ARHGAP21: variants seen among roughly 807,000 people sequenced by gnomAD.
ARHGAP21 encodes the protein rho GTPase-activating protein 21.
Under a neutral mutation model 164.6 loss-of-function variants are expected in ARHGAP21, and 38 were observed. That is an observed-to-expected ratio of 0.23 (90% CI 0.18 to 0.30). The LOEUF is 0.30. Ranked by LOEUF, ARHGAP21 falls within the 10% of genes least tolerant of loss-of-function variation. ARHGAP21 has a pLI of 1.00. For synonymous variants in ARHGAP21, 766 were observed against 857.9 expected (o/e 0.89, Z 1.87); for missense variants, 1,822 against 2,370.7 (o/e 0.77, Z 4.81).
chr10:24,648,663 C>A (rs920048508), intron 4 of ARHGAP21, among the ~76,000 whole-genome samples: 19 of 151,896 alleles, frequency 1.3e-4, no homozygotes, highest in Admixed American at 3.3e-4. Flanking sequence ...GCCTATAAAC[C>A]CAGCTACTCG....
intron 2 of ARHGAP21, among the ~76,000 whole-genome samples, chr10:24,713,385 C>T (rs1019275081): frequency 1.3e-5 from 2 of 152,152 alleles, no homozygotes; most frequent in Non-Finnish European, 2.9e-5. Flanking sequence ...GAAAACTCAG[C>T]AGCTAGTCAC....
At chr10:24,623,383 C>T (rs1834766398) in intron 7 of ARHGAP21, among the ~76,000 whole-genome samples, 1 of 152,190 alleles carries the variant, frequency 6.6e-6, no homozygotes, top group Non-Finnish European at 1.5e-5. Context: ...AAAAATATTA[C>T]TTCCAGAGTA....
chr10:24,668,969 T>C (rs189218467), intron 3 of ARHGAP21, among the ~76,000 whole-genome samples: 1 of 152,326 alleles, frequency 6.6e-6, no homozygotes, highest in East Asian at 1.9e-4. Context: ...TCAAGTGCTC[T>C]CATATGTGAC....
intron 2 of ARHGAP21, chr10:24,706,662 C>G (rs560079308): frequency 6.5e-6 from 1 of 152,696 alleles, no homozygotes; most frequent in Non-Finnish European, 1.5e-5. Flanking sequence ...AGCGGGGTTA[C>G]GAGAGCTCTG....
intron 21 of ARHGAP21, among the ~76,000 whole-genome samples, chr10:24,592,257 C>T (rs2076367939): frequency 7.2e-6 from 1 of 138,014 alleles, no homozygotes; most frequent in Non-Finnish European, 1.5e-5. Flanking sequence ...TCGATAGAAT[C>T]TTATTATGTT....
At chr10:24,642,634 T>C (rs1057153820) in intron 4 of ARHGAP21, among the ~76,000 whole-genome samples, 2 of 151,974 alleles carry the variant, frequency 1.3e-5, no homozygotes, top group African/African-American at 4.8e-5. Flanking sequence ...TCTATTTTCA[T>C]CTTCCTAAAT....
At chr10:24,670,676 T>G (rs1840614592) in intron 2 of ARHGAP21, among the ~76,000 whole-genome samples, 1 of 151,974 alleles carries the variant, frequency 6.6e-6, no homozygotes, top group East Asian at 1.9e-4. Flanking sequence ...ATTCCTAAAA[T>G]TAGAAATGCA....
At chr10:24,643,111 T>G (rs1162092894) in intron 4 of ARHGAP21, among the ~76,000 whole-genome samples, 1 of 152,228 alleles carries the variant, frequency 6.6e-6, no homozygotes, top group Non-Finnish European at 1.5e-5. Context: ...TCTGGCATTA[T>G]GAACTATCCA....
Position 24,583,978 on chromosome 10 carries a change from C to T in ARHGAP21, c.*434G>A, listed in dbSNP as rs1415817253. On this transcript the variant is annotated 3_prime_UTR_variant, in exon 26 of 26. Coordinates refer to ENST00000396432, the MANE Select transcript of ARHGAP21 (RefSeq NM_020824.4). ...TTAAAACTGGTAAATGTAATGATAT[C>T]TGTTACCAATAAAACGCATTCGTTT... The T allele has an allele frequency of 6.6e-6, 1 of 152,618 alleles. No individual in the cohort carries two copies. The highest frequency in any genetic ancestry group is 1.5e-5 in the Non-Finnish European group (1 of 68,076). The allele number at this position is 152,618 out of a possible 1,614,324, so 9.5% of individuals were successfully genotyped here. A position where few individuals can be genotyped will look rare whatever the true frequency, so the allele number is the denominator to read the frequency against.
intron 2 of ARHGAP21, among the ~76,000 whole-genome samples, chr10:24,684,930 C>T (rs184640437): frequency 1.3e-5 from 2 of 152,150 alleles, no homozygotes; most frequent in African/African-American, 4.8e-5. Context: ...TGAGCCACCG[C>T]GCCCGGCCTA....
At chr10:24,604,200 T>C (rs948788035) in intron 12 of ARHGAP21, 112 bp downstream of exon 12, 2 of 733,550 alleles carry the variant, frequency 2.7e-6, no homozygotes, top group African/African-American at 1.9e-5. Context: ...AAGTATTACA[T>C]ACTTACAGAA....
At position 24,598,527 on chromosome 10, in the gene ARHGAP21, A is replaced by G. The variant is rs557893052; in HGVS notation, c.3133-518T>C. Among the ~76,000 whole-genome samples, 7 of 152,116 alleles carry G rather than the reference A, an allele frequency of 4.6e-5. 1 individual carries two copies. The South Asian group carries it at 8.3e-4, about 18-fold the overall frequency. On this transcript the variant is annotated intron_variant, in intron 14 of 25. Coordinates refer to ENST00000396432, the MANE Select transcript of ARHGAP21 (RefSeq NM_020824.4). ...CAAGCGGCAGTTACATTATCAGAAG[A>G]TAAGAGAAAAGCTCAAAATTTGCAT...
intron 3 of ARHGAP21, among the ~76,000 whole-genome samples, chr10:24,668,634 T>C (rs1481890709): frequency 2.6e-5 from 4 of 152,170 alleles, no homozygotes; most frequent in African/African-American, 4.8e-5. Context: ...TGGTCTTTAT[T>C]TACAAGTTTG....
intron 25 of ARHGAP21, 148 bp from the exon 26 acceptor site, chr10:24,586,254 A>C: frequency 9.4e-7 from 1 of 1,067,108 alleles, no homozygotes. Context: ...TTTTTTTAAT[A>C]CCTCTTTTTA....
Position 24,620,836 on chromosome 10 carries a change from T to C in ARHGAP21, c.1059A>G (p.Gly353=). The C allele has an allele frequency of 1.2e-6, 2 of 1,614,096 alleles. No individual in the cohort carries two copies. Among genetic ancestry groups the C allele is most frequent in the Non-Finnish European group, 1.7e-6 (2 of 1,179,954 alleles). ...TGCTGCTTGAGATTCCATCAGAATGTCCACTGTAATTTCCAGACTTAAGTA... is the reference window on the plus strand; with the variant it reads ...TGCTGCTTGAGATTCCATCAGAATGCCCACTGTAATTTCCAGACTTAAGTA... The part of the protein sequence containing the change: ...GILLKSGNYS[G]HSDGISSSRS... Residue 353 remains glycine, a synonymous_variant, in exon 9 of 26, where the codon GGA becomes GGG. Coordinates refer to ENST00000396432, the MANE Select transcript of ARHGAP21 (RefSeq NM_020824.4).
rs1170206886 is a variant in ARHGAP21 at position 24,655,583 on chromosome 10, G to A, written c.268+11402C>T. On this transcript the variant is annotated intron_variant, in intron 4 of 25. Coordinates refer to ENST00000396432, the MANE Select transcript of ARHGAP21 (RefSeq NM_020824.4). ...CGGGGCCCGAGGGCAAGGAGCAGCC[G>A]CCTGCCTTGGCCTCCCAAAGTGCCG... Among the ~76,000 whole-genome samples, 83 of 150,060 alleles carry A rather than the reference G, an allele frequency of 5.5e-4. 1 individual carries two copies. The highest frequency in any genetic ancestry group is 1.8e-3 in the African/African-American group (74 of 41,048).
At chr10:24,615,539 A>T (rs1833855353) in intron 9 of ARHGAP21, among the ~76,000 whole-genome samples, 1 of 152,214 alleles carries the variant, frequency 6.6e-6, no homozygotes, top group Non-Finnish European at 1.5e-5. Context: ...AAAATCCAAG[A>T]TTTAAATTTT....
At chr10:24,710,235 T>G (rs918401609) in intron 2 of ARHGAP21, among the ~76,000 whole-genome samples, 1 of 152,180 alleles carries the variant, frequency 6.6e-6, no homozygotes, top group African/African-American at 2.4e-5. Context: ...AATCTCTAGA[T>G]AGAGAGTATC....
chr10:24,633,613 AG>A (rs1191169567), intron 5 of ARHGAP21, 133 bp from the exon 6 acceptor site: 1 of 502,986 alleles, frequency 2.0e-6, no homozygotes, highest in African/African-American at 1.9e-5. Flanking sequence ...CAGAGTTGTG[AG>A]AAAATTATTA....
Sources: allele counts gnomAD v4.1 joint callset (sites outside exome capture counted in the v4.1 genomes callset), GRCh38; gene constraint gnomAD v4.1.1; transcripts MANE v1.5; gene names NCBI Gene and HGNC (gene_info 2026-07-23, HGNC 2026-07-21).